Variants in DOK6 observed in about 807,000 individuals in gnomAD.
The protein encoded by DOK6 is downstream of tyrosine kinase 6.
Under a neutral mutation model 44.0 loss-of-function variants are expected in DOK6, and 22 were observed. That is an observed-to-expected ratio of 0.50 (90% confidence interval 0.36 to 0.71). DOK6 has a LOEUF of 0.71. DOK6 is among the 30% of genes least tolerant of loss of function. The pLI is 0.00. For missense variants in DOK6, 340 were observed against 416.4 expected, an observed-to-expected ratio of 0.82 and a Z score of 1.60; for synonymous variants, 166 against 145.5, an observed-to-expected ratio of 1.14 and a Z score of -1.01.
chr18:69,758,148 A>T (rs184514551), intron 7 of DOK6, among the ~76,000 whole-genome samples: 17 of 152,366 alleles, frequency 1.1e-4, no homozygotes, highest in East Asian at 3.9e-4. Context: ...CAAGCACATT[A>T]TCAGAAGCTA....
At chr18:69,715,858 A>C (rs1986869798) in intron 5 of DOK6, among the ~76,000 whole-genome samples, 1 of 152,188 alleles carries the variant, frequency 6.6e-6, no homozygotes, top group Non-Finnish European at 1.5e-5. Flanking sequence ...GAGGCTGATG[A>C]AGGAAGTGAT....
At chr18:69,617,791 G>C (rs9959739) in intron 3 of DOK6, among the ~76,000 whole-genome samples, 1 of 150,718 alleles carries the variant, frequency 6.6e-6, no homozygotes, top group Non-Finnish European at 1.5e-5. Context: ...GGGAGGGAGA[G>C]AAAAGACAGA....
chr18:69,404,411 T>C (rs1479076360), intron 1 of DOK6, among the ~76,000 whole-genome samples: 1 of 152,216 alleles, frequency 6.6e-6, no homozygotes, highest in African/African-American at 2.4e-5. Context: ...AGTCAGTTTT[T>C]GGTTTGCAGC....
chr18:69,557,176 G>A (rs976731360), intron 1 of DOK6, among the ~76,000 whole-genome samples: 8 of 152,100 alleles, frequency 5.3e-5, no homozygotes, highest in African/African-American at 1.9e-4. Flanking sequence ...AAATCTCAAG[G>A]AACAAACTTT....
At chr18:69,811,571 TATATATCA>T (rs1385238459) in intron 7 of DOK6, among the ~76,000 whole-genome samples, 41 of 15,132 alleles carry the variant, frequency 2.7e-3, no homozygotes, top group South Asian at 0.024. Flanking sequence ...TATATATATA[TATATATCA>T]AAACACTACG....
At chr18:69,800,092 TAA>T (rs35874900) in intron 7 of DOK6, among the ~76,000 whole-genome samples, 243 of 151,336 alleles carry the variant, frequency 1.6e-3, no homozygotes, top group African/African-American at 5.6e-3. Context: ...TACGTTCTAT[TAA>T]AAAAAAACAC....
intron 1 of DOK6, among the ~76,000 whole-genome samples, chr18:69,482,680 T>TCTTATGTATATCTCTGCTATGCATC (rs1257791023): frequency 7.9e-5 from 12 of 151,992 alleles, no homozygotes; most frequent in African/African-American, 2.7e-4. Flanking sequence ...AGTTTGTGTA[T>TCTTATGTATATCTCTGCTATGCATC]CTTATGTATA....
At chr18:69,618,466 A>C (rs554933997) in intron 3 of DOK6, 1 of 163,046 alleles carries the variant, frequency 6.1e-6, no homozygotes, top group South Asian at 2.0e-4. Flanking sequence ...GTTTTGTATT[A>C]GTCCGTTTTC....
chr18:69,496,367 G>C (rs1980889300), intron 1 of DOK6, among the ~76,000 whole-genome samples: 1 of 152,236 alleles, frequency 6.6e-6, no homozygotes, highest in African/African-American at 2.4e-5. Flanking sequence ...AAGGGGCGGG[G>C]CTCCCACTTG....
chr18:69,809,721 T>G (rs190132029), intron 7 of DOK6, among the ~76,000 whole-genome samples: 57 of 151,594 alleles, frequency 3.8e-4, no homozygotes, highest in Non-Finnish European at 7.1e-4. Context: ...ATAATCCTAT[T>G]TATAATGGCT....
chr18:69,714,519 T>C lies in DOK6; in HGVS notation c.599+15926T>C, dbSNP rs78141298. Among the ~76,000 whole-genome samples the C allele has an allele frequency of 2.2e-3, 332 of 152,336 alleles. 2 individuals are homozygous for C. The highest frequency in any genetic ancestry group is 7.5e-3 in the African/African-American group (311 of 41,582). On this transcript the variant is annotated intron_variant, in intron 5 of 7. Transcript: ENST00000382713. ...CTTTTTATTGGCTCATGCACCAATATGCTCAAAAATAGTTTATGTGGAATA... is the reference window on the plus strand; with the variant it reads ...CTTTTTATTGGCTCATGCACCAATACGCTCAAAAATAGTTTATGTGGAATA...
At chr18:69,639,701 CAAGAAGGA>C (rs1278096959) in intron 3 of DOK6, among the ~76,000 whole-genome samples, 11 of 150,982 alleles carry the variant, frequency 7.3e-5, no homozygotes, top group Admixed American at 2.6e-4. Context: ...CTGATAAATA[CAAGAAGGA>C]AAGAAGAAAG....
At chr18:69,686,375 T>G (rs190730302) in intron 4 of DOK6, among the ~76,000 whole-genome samples, 103 of 152,344 alleles carry the variant, frequency 6.8e-4, no homozygotes, top group African/African-American at 2.4e-3. Context: ...TCTACAGTTT[T>G]GGGCTTAATT....
chr18:69,591,603 A>T (rs78098153), intron 2 of DOK6, among the ~76,000 whole-genome samples: 1 of 14,676 alleles, frequency 6.8e-5, no homozygotes. Context: ...GATATTAAAT[A>T]TTTTTTTAAA....
At chr18:69,467,944 T>C (rs546696716) in intron 1 of DOK6, among the ~76,000 whole-genome samples, 6 of 152,278 alleles carry the variant, frequency 3.9e-5, no homozygotes, top group African/African-American at 1.4e-4. Flanking sequence ...AATAATAGCA[T>C]GGAGAGACAG....
At chr18:69,559,972 C>A (rs1358398936) in intron 1 of DOK6, among the ~76,000 whole-genome samples, 2 of 152,102 alleles carry the variant, frequency 1.3e-5, no homozygotes, top group East Asian at 3.9e-4. Flanking sequence ...TTCCCAAAGG[C>A]CCCATCTCCA....
chr18:69,813,139 C>T lies in DOK6; in HGVS notation c.857-28105C>T, dbSNP rs148435222. On this transcript the variant is annotated intron_variant, in intron 7 of 7. Coordinates refer to ENST00000382713, the MANE Select transcript of DOK6 (RefSeq NM_152721.6). ...TGCCTACCTGACTTCCAAACTTGCA[C>T]CTGACAAGGGCACTACTTTATTTTA... Among the ~76,000 whole-genome samples the T allele has an allele frequency of 7.9e-5, 12 of 152,244 alleles. No homozygotes were observed. In the East Asian group the frequency reaches 1.9e-3, roughly 25 times the overall value.
intron 5 of DOK6, among the ~76,000 whole-genome samples, chr18:69,715,215 C>T (rs1986856258): frequency 1.3e-5 from 2 of 151,898 alleles, no homozygotes; most frequent in Non-Finnish European, 2.9e-5. Context: ...TTAATTTTGC[C>T]CAGGCCACGC....
intron 6 of DOK6, 25 bp downstream of exon 6, chr18:69,739,128 A>G (rs746885696): frequency 3.1e-6 from 5 of 1,612,224 alleles, no homozygotes; most frequent in East Asian, 2.2e-5. Flanking sequence ...TTGGTAACCT[A>G]TCAGCTTGGA....
Sources: allele counts gnomAD v4.1 joint callset (sites outside exome capture counted in the v4.1 genomes callset), GRCh38; gene constraint gnomAD v4.1.1; transcripts MANE v1.5; gene names NCBI Gene and HGNC (gene_info 2026-07-23, HGNC 2026-07-21).